GALNT11: variants seen among roughly 807,000 people sequenced by gnomAD.
The protein encoded by GALNT11 is polypeptide N-acetylgalactosaminyltransferase 11, also known as UDP-GalNAc:polypeptide N-acetylgalactosaminyltransferase 11.
In GALNT11, 47 loss-of-function variants were observed where a neutral mutation model predicts 72.7. The observed-to-expected ratio is 0.65, with a 90% CI of 0.51 to 0.82. GALNT11 has a LOEUF of 0.82. Among genes scored for constraint, GALNT11 ranks in the 40% least tolerant of loss-of-function variants. The pLI, the probability that GALNT11 is intolerant of heterozygous loss-of-function variation, is 0.00. For synonymous variants in GALNT11, 270 were observed against 286.6 expected (o/e 0.94, Z 0.58); for missense variants, 677 against 778.4 (o/e 0.87, Z 1.55).
At chr7:152,028,326 G>A (rs557400485) in intron 1 of GALNT11, among the ~76,000 whole-genome samples, 26 of 152,246 alleles carry the variant, frequency 1.7e-4, no homozygotes, top group African/African-American at 6.3e-4. Context: ...TTTACAGAGT[G>A]CTAATTGGTC....
rs1381644519 is a variant in GALNT11 at position 152,025,945 on chromosome 7, CGG to C, written c.-39+62_-39+63del. On this transcript the variant is annotated intron_variant, in intron 1 of 11. Transcript: ENST00000430044. The stretch of plus-strand genomic sequence containing the variant: ...CTCAGCACCTCGAGAGCTGCGGCGG[CGG>C]CGGCGCGCGGGGCCTGGGCAGGCTG... 10 of 166,176 alleles carry C rather than the reference CGG, an allele frequency of 6.0e-5. 1 individual carries two copies. In the East Asian group the frequency reaches 1.9e-3, roughly 31 times the overall value. The allele number at this position is 166,176 out of a possible 1,614,324, so 10.3% of individuals were successfully genotyped here. A position where few individuals can be genotyped will look rare whatever the true frequency, so the allele number is the denominator to read the frequency against.
intron 8 of GALNT11, among the ~76,000 whole-genome samples, chr7:152,115,457 C>T (rs1020977517): frequency 6.6e-6 from 1 of 152,112 alleles, no homozygotes; most frequent in Non-Finnish European, 1.5e-5. Context: ...TGTGAGTATG[C>T]GTGCTCATAC....
rs766982745 is a variant in GALNT11, at chr7:152,066,928, C to G, written c.-38-27262C>G. On this transcript the variant is annotated intron_variant, in intron 1 of 11. Coordinates refer to ENST00000430044, the MANE Select transcript of GALNT11 (RefSeq NM_022087.4). ...TGAAATATCCTGAGTATTCGCAAAA[C>G]GTAACACCGAAACACGAAGTAAACA... Among the ~76,000 whole-genome samples the G allele has an allele frequency of 2.0e-5, 3 of 152,152 alleles. No individual in the cohort carries two copies. The South Asian group carries it at 6.2e-4, about 32-fold the overall frequency.
chr7:152,106,340 A>T (rs1032371845), intron 5 of GALNT11, among the ~76,000 whole-genome samples: 1 of 150,886 alleles, frequency 6.6e-6, no homozygotes, highest in Non-Finnish European at 1.5e-5. Flanking sequence ...GCTCACCACC[A>T]CTCCCCCTGT....
chr7:152,076,411 A>G (rs1402287807), intron 1 of GALNT11, among the ~76,000 whole-genome samples: 1 of 152,168 alleles, frequency 6.6e-6, no homozygotes, highest in African/African-American at 2.4e-5. Context: ...CAGTAGGGGA[A>G]TGAAGTGCGC....
At chr7:152,047,298 C>T (rs1251790536) in intron 1 of GALNT11, among the ~76,000 whole-genome samples, 1 of 152,058 alleles carries the variant, frequency 6.6e-6, no homozygotes, top group East Asian at 1.9e-4. Flanking sequence ...TGGTGAAACC[C>T]TATCTCTACT....
intron 1 of GALNT11, among the ~76,000 whole-genome samples, chr7:152,033,838 C>A (rs369821625): frequency 1.3e-5 from 2 of 152,280 alleles, no homozygotes; most frequent in South Asian, 2.1e-4. Flanking sequence ...TGTCATTCTG[C>A]CATTTACTTG....
At chr7:152,030,674 TTGTC>T (rs1395740883) in intron 1 of GALNT11, among the ~76,000 whole-genome samples, 1 of 152,150 alleles carries the variant, frequency 6.6e-6, no homozygotes, top group East Asian at 1.9e-4. Flanking sequence ...GAGTCCCTCT[TTGTC>T]TGTCTCTTCC....
chr7:152,101,642 T>TTGGGGGGG (rs1491144850), intron 3 of GALNT11, among the ~76,000 whole-genome samples: 1 of 93,172 alleles, frequency 1.1e-5, no homozygotes, highest in African/African-American at 4.0e-5. Context: ...GGCTTTTTTT[T>TTGGGGGGG]GGGGGGGGGG....
chr7:152,080,470 A>G (rs1032857678), intron 1 of GALNT11, among the ~76,000 whole-genome samples: 1 of 152,258 alleles, frequency 6.6e-6, no homozygotes, highest in Non-Finnish European at 1.5e-5. Flanking sequence ...CCATGATGCC[A>G]CTAACCTGAG....
intron 1 of GALNT11, among the ~76,000 whole-genome samples, chr7:152,092,624 T>A (rs2086113506): frequency 6.6e-6 from 1 of 152,160 alleles, no homozygotes; most frequent in Admixed American, 6.5e-5. Context: ...GAAACTGAAC[T>A]GTTTACCATC....
At chr7:152,047,465 A>AAAAC (rs563719209) in intron 1 of GALNT11, among the ~76,000 whole-genome samples, 13 of 152,022 alleles carry the variant, frequency 8.6e-5, no homozygotes, top group African/African-American at 1.5e-4. Flanking sequence ...ACTCCATCTC[A>AAAAC]AAACAAACAA....
In GALNT11 at chr7:152,117,183, C is replaced by T. The variant is rs1433031870; in HGVS notation, c.1260C>T (p.Asp420=). The T allele has an allele frequency of 1.2e-6, 2 of 1,611,386 alleles. No individual in the cohort carries two copies. Among genetic ancestry groups the T allele is most frequent in the East Asian group, 2.2e-5 (1 of 44,872 alleles). Residue 420 remains aspartate (D), a synonymous_variant, in exon 9 of 12, where the codon GAC becomes GAT. Coordinates refer to ENST00000430044, the MANE Select transcript of GALNT11 (RefSeq NM_022087.4). ...YKEQYFSLRP[D]LKTKSYGNIS... The stretch of plus-strand genomic sequence containing the variant: ...AGCAGTATTTTTCCTTAAGACCTGA[C>T]CTGAAGACGAAAAGCTATGGCAATA...
At chr7:152,059,529 T>C (rs147414920) in intron 1 of GALNT11, among the ~76,000 whole-genome samples, 1 of 152,336 alleles carries the variant, frequency 6.6e-6, no homozygotes, top group Non-Finnish European at 1.5e-5. Flanking sequence ...ATTTCTTAAA[T>C]AATTAGACTT....
chr7:152,080,427 G>A (rs890046842), intron 1 of GALNT11, among the ~76,000 whole-genome samples: 5 of 152,066 alleles, frequency 3.3e-5, no homozygotes, highest in Non-Finnish European at 7.4e-5. Flanking sequence ...TGTAGAAAAT[G>A]TTTTAAATAA....
chr7:152,044,862 T>C (rs1185121011), intron 1 of GALNT11, among the ~76,000 whole-genome samples: 2 of 151,844 alleles, frequency 1.3e-5, no homozygotes, highest in Admixed American at 1.3e-4. Context: ...CCTTGCATTC[T>C]AGATCTTAGA....
intron 1 of GALNT11, among the ~76,000 whole-genome samples, chr7:152,042,731 C>T (rs941253695): frequency 3.3e-5 from 5 of 152,104 alleles, no homozygotes; most frequent in African/African-American, 1.2e-4. Context: ...AACTTGTGTT[C>T]CCCATTGTTG....
intron 1 of GALNT11, among the ~76,000 whole-genome samples, chr7:152,083,421 C>G (rs1044215482): frequency 1.5e-4 from 23 of 152,122 alleles, no homozygotes; most frequent in African/African-American, 5.3e-4. Flanking sequence ...TTCATTTCCT[C>G]TCAGGTTTGT....
At chr7:152,115,559 T>C (rs2088753682) in intron 8 of GALNT11, among the ~76,000 whole-genome samples, 1 of 152,230 alleles carries the variant, frequency 6.6e-6, no homozygotes. Context: ...AGCTAGCGGC[T>C]GCTCTCCAGA....
Sources: gnomAD v4.1 joint callset for allele counts (sites outside exome capture counted in the v4.1 genomes callset) on GRCh38, gnomAD v4.1.1 for gene constraint, MANE v1.5 for transcripts, NCBI Gene and HGNC (gene_info 2026-07-23, HGNC 2026-07-21) for gene names.